The following RO60 variants were observed in gnomAD, a reference collection of about 807,000 sequenced individuals.
RO60 encodes the protein RNA-binding protein RO60.
A neutral mutation model predicts 55.3 loss-of-function variants in RO60; 20 were observed. The observed-to-expected ratio is 0.36, with a 90% CI of 0.25 to 0.53. RO60 has a LOEUF of 0.53. Among genes scored for constraint, RO60 ranks in the 20% least tolerant of loss-of-function variants. The pLI, the probability that RO60 is intolerant of heterozygous loss-of-function variation, is 0.92. For missense variants in RO60, 558 were observed against 646.6 expected (o/e 0.86, Z 1.49); for synonymous variants, 213 against 213.6 (o/e 1.00, Z 0.02).
intron 3 of RO60, among the ~76,000 whole-genome samples, chr1:193,076,263 TAA>T (rs937288522): frequency 8.7e-5 from 13 of 150,070 alleles, no homozygotes; most frequent in African/African-American, 2.7e-4. Flanking sequence ...CCTTGCTAAT[TAA>T]AAAAAAAATC....
chr1:193,082,995 G>A (rs563753983), intron 8 of RO60, among the ~76,000 whole-genome samples: 1 of 152,082 alleles, frequency 6.6e-6, no homozygotes, highest in South Asian at 2.1e-4. Flanking sequence ...AGGCTCAAGC[G>A]ATTCTCCAGC....
rs1673934604 is a variant in RO60, at chr1:193,076,557, A to G, written c.858A>G (p.Gly286=). 1 of 1,612,704 alleles carries G rather than the reference A, an allele frequency of 6.2e-7. No individual in the cohort carries two copies. The highest frequency in any genetic ancestry group is 1.7e-5 in the Admixed American group (1 of 59,768). Reference sequence around the variant, plus strand: ...TTACTGCATTACTAAGGAATCTAGGAAAGATGACTGCTAATTCAGTACTTG... The same window carrying G: ...TTACTGCATTACTAAGGAATCTAGGGAAGATGACTGCTAATTCAGTACTTG... The part of the protein sequence containing the change: ...MPLTALLRNL[G]KMTANSVLEP... Residue 286 remains glycine (G), a synonymous_variant, in exon 4 of 9, where the codon GGA becomes GGG. Coordinates refer to ENST00000400968, the MANE Select transcript of RO60 (RefSeq NM_001173524.2).
In RO60 at chr1:193,085,566, G is replaced by A. The variant is rs1489009905; in HGVS notation, c.*835G>A. 2.1e-5 allele frequency: 21 copies of A among 983,982 alleles called. No individual in the cohort carries two copies. The highest frequency in any genetic ancestry group is 5.3e-5 in the African/African-American group (3 of 57,104). 61.0% of individuals were successfully genotyped at this position (983,982 alleles called of 1,614,324 possible). On this transcript the variant is annotated 3_prime_UTR_variant, in exon 9 of 9. Transcript: ENST00000400968. ...CACACTGTTTTTCATACTCTTAAGT[G>A]TAAATAATATAAAATGTTTCAAGCG...
chr1:193,077,628 C>G (rs1026608211), intron 5 of RO60, among the ~76,000 whole-genome samples: 35 of 152,136 alleles, frequency 2.3e-4, no homozygotes, highest in Admixed American at 2.3e-3. Flanking sequence ...TGGTCCCACC[C>G]TTGAACATGT....
At chr1:193,077,330 A>ATTCT (rs1451168202) in intron 5 of RO60, among the ~76,000 whole-genome samples, 18 of 152,210 alleles carry the variant, frequency 1.2e-4, no homozygotes, top group African/African-American at 4.3e-4. Flanking sequence ...CTATAAAGAA[A>ATTCT]TACCTGAGAC....
At chr1:193,079,231 G>A (rs1254488278) in intron 5 of RO60, among the ~76,000 whole-genome samples, 1 of 152,048 alleles carries the variant, frequency 6.6e-6, no homozygotes, top group Non-Finnish European at 1.5e-5. Flanking sequence ...GGGATTACAG[G>A]CATGCGCCAC....
Position 193,076,923 on chromosome 1 carries a change from A to G in RO60, c.959A>G (p.His320Arg). The G allele has an allele frequency of 1.9e-6, 3 of 1,611,816 alleles. No individual in the cohort carries two copies. The highest frequency in any genetic ancestry group is 2.5e-6 in the Non-Finnish European group (3 of 1,178,660). The change falls in exon 5 of 9, where the codon CAT (histidine) becomes CGT (arginine). Residue 320 changes from histidine (H) to arginine (R), a missense_variant. By Grantham distance (29) the His-to-Arg change is conservative. Transcript: ENST00000400968. ...ATACTTTGTTTCTAGGCTCGTATAC[A>G]TCCATTTCATATTTTGATCGCATTA... is the stretch of plus-strand genomic sequence containing the variant. ...NEKLLKKARI[H>R]PFHILIALET...
rs570744729 is a variant in RO60, at chr1:193,089,915, C to G, written c.*5184C>G. ...CCATTTCCCAGGTTCAAGCAATTCT[C>G]CTGCCTCAGCCTCCCAAGTAGCTGG... On this transcript the variant is annotated 3_prime_UTR_variant, in exon 9 of 9. Transcript: ENST00000400968. 6.6e-6 allele frequency: 1 copy of G among 152,006 alleles called. No individual in the cohort carries two copies. The highest frequency in any genetic ancestry group is 1.5e-5 in the Non-Finnish European group (1 of 68,072). The allele number at this position is 152,006 out of a possible 1,614,324, so 9.4% of individuals were successfully genotyped here.
Position 193,082,187 on chromosome 1 carries a change from T to A in RO60, c.1205T>A (p.Val402Asp). 1 of 1,605,646 alleles carries A rather than the reference T, an allele frequency of 6.2e-7. No homozygotes were observed. The highest frequency in any genetic ancestry group is 8.5e-7 in the Non-Finnish European group (1 of 1,175,704). ...AATTACTGCCATTGAATTTTTCAGG[T>A]TGTCACACGAACAGAAAAAGATTCT... The part of the protein sequence containing the change: ...ASTVAAAMCM[V>D]VTRTEKDSYV... The change falls in exon 7 of 9, where the codon GTT becomes GAT. Residue 402 changes from valine (V) to aspartate (D), a missense_variant and splice_region_variant. Transcript: ENST00000400968.
At chr1:193,078,624 CCATTTA>C (rs1484634877) in intron 5 of RO60, among the ~76,000 whole-genome samples, 7 of 152,016 alleles carry the variant, frequency 4.6e-5, no homozygotes, top group Non-Finnish European at 1.0e-4. Context: ...GAAAACATTT[CCATTTA>C]CAAGATCATC....
At chr1:193,091,492 C>A, downstream of RO60, 1 of 627,256 alleles carries the variant, frequency 1.6e-6, no homozygotes, top group Admixed American at 3.0e-5. Context: ...CTAACTGATG[C>A]TTTGTCAAGT....
At chr1:193,074,617 T>C (rs1406161262) in intron 2 of RO60, among the ~76,000 whole-genome samples, 1 of 152,244 alleles carries the variant, frequency 6.6e-6, no homozygotes, top group East Asian at 1.9e-4. Flanking sequence ...GAGTTCTTTG[T>C]AGATTCTGGA....
Position 193,069,084 on chromosome 1 carries a change from AC to A in RO60, c.31del (p.Leu11Ter), listed in dbSNP as rs1558237303. MEESVNQMQPLNEKQIANSQD... is the reference protein window; with the variant it reads MEESVNQMQPXNEKQIANSQD... Reference sequence around the variant, plus strand: ...AGGAATCTGTAAACCAAATGCAGCCACTGAATGAGAAGCAGATAGCCAATTC... The same window carrying A: ...AGGAATCTGTAAACCAAATGCAGCCATGAATGAGAAGCAGATAGCCAATTC... On this transcript the variant is annotated frameshift_variant, in exon 2 of 9. Coordinates refer to ENST00000400968, the MANE Select transcript of RO60 (RefSeq NM_001173524.2). LOFTEE classifies it high-confidence loss of function. 2 of 1,612,772 alleles carry A rather than the reference AC, an allele frequency of 1.2e-6. No homozygotes were observed. The highest frequency in any genetic ancestry group is 1.7e-5 in the Admixed American group (1 of 59,978).
Position 193,059,916 on chromosome 1 carries a change from C to A in RO60, c.-22+140C>A, listed in dbSNP as rs41265201. On this transcript the variant is annotated intron_variant, in intron 1 of 8. Coordinates refer to ENST00000400968, the MANE Select transcript of RO60 (RefSeq NM_001173524.2). The surrounding 1 kb of genome is among the most constrained non-coding windows in gnomAD (Gnocchi z 4.9). The stretch of plus-strand genomic sequence containing the variant: ...ACGCCGCGAAACTATCGCTCTTCCC[C>A]GTCCCGCTTCCGCGCCTGTCCACCC... The A allele has an allele frequency of 0.024, 32,891 of 1,365,936 alleles. 504 individuals carry two copies. The highest frequency in any genetic ancestry group is 0.029 in the Non-Finnish European group (29,831 of 1,021,594). 84.6% of individuals were successfully genotyped at this position (1,365,936 alleles called of 1,614,324 possible). A position where few individuals can be genotyped will look rare whatever the true frequency, so the allele number is the denominator to read the frequency against.
In RO60 at chr1:193,084,607, T is replaced by A; in HGVS notation, c.1493T>A (p.Val498Asp). 6.2e-6 allele frequency: 10 copies of A among 1,613,418 alleles called. No individual in the cohort carries two copies. The highest frequency in any genetic ancestry group is 1.1e-5 in the South Asian group (1 of 90,892). The change falls in exon 9 of 9, where the codon GTT becomes GAT. Residue 498 changes from valine (V) to aspartate (D), a missense_variant. Val to Asp is a radical substitution (Grantham distance 152, BLOSUM62 -3). Transcript: ENST00000400968. The stretch of plus-strand genomic sequence containing the variant: ...ATGGATATTCCAGCTAAATTGATTG[T>A]TTGTGGAATGACATCAAATGGTTTC... Reference protein sequence around the residue: ...KKMDIPAKLIVCGMTSNGFTI... With the variant: ...KKMDIPAKLIDCGMTSNGFTI...
intron 1 of RO60, among the ~76,000 whole-genome samples, chr1:193,065,169 A>G (rs1397711880): frequency 6.6e-6 from 1 of 152,188 alleles, no homozygotes; most frequent in Non-Finnish European, 1.5e-5. Context: ...CAAATGGTTC[A>G]GAAAGTCAAC....
rs138976758 is a variant in RO60 at position 193,061,811 on chromosome 1, C to T, written c.-22+2035C>T. On this transcript the variant is annotated intron_variant, in intron 1 of 8. Coordinates refer to ENST00000400968, the MANE Select transcript of RO60 (RefSeq NM_001173524.2). The stretch of plus-strand genomic sequence containing the variant: ...CAGCCTGGCCAACATGGTGAAACCC[C>T]GTCTCTACTAAACATACAAAAAATT... Among the ~76,000 whole-genome samples the T allele has an allele frequency of 9.5e-3, 1,453 of 152,154 alleles. 15 individuals carry two copies. Among genetic ancestry groups the T allele is most frequent in the South Asian group, 0.034 (162 of 4,816 alleles).
intron 1 of RO60, among the ~76,000 whole-genome samples, chr1:193,061,153 G>T (rs1308282293): frequency 6.6e-6 from 1 of 152,140 alleles, no homozygotes; most frequent in African/African-American, 2.4e-5. Flanking sequence ...AGAAAAATGA[G>T]ATCTGGCAAC....
chr1:193,091,172 T>C lies in RO60; in HGVS notation c.*6441T>C, dbSNP rs964954064. 9 of 152,482 alleles carry C rather than the reference T, an allele frequency of 5.9e-5. No individual in the cohort carries two copies. The highest frequency in any genetic ancestry group is 5.2e-4 in the Admixed American group (8 of 15,294). 9.4% of individuals were successfully genotyped at this position (152,482 alleles called of 1,614,324 possible). A position where few individuals can be genotyped will look rare whatever the true frequency, so the allele number is the denominator to read the frequency against. ...AAAAATAATTAATTTTTTAAGGGAA[T>C]TTTTCAAGACAAAAGGCAAATATTT... On this transcript the variant is annotated 3_prime_UTR_variant, in exon 9 of 9. Transcript: ENST00000400968.
Sources: allele counts gnomAD v4.1 joint callset (sites outside exome capture counted in the v4.1 genomes callset), GRCh38; gene constraint gnomAD v4.1.1; non-coding constraint Gnocchi (gnomAD v3.1); transcripts MANE v1.5; gene names NCBI Gene and HGNC (gene_info 2026-07-23, HGNC 2026-07-21).